The following LINC00305 variants were observed in gnomAD, a reference collection of about 807,000 sequenced individuals.
LINC00305 encodes long independently transcribed non-coding RNA 305.
At chr18:64,145,716 A>G (rs1175334970) in intron 1 of LINC00305, among the ~76,000 whole-genome samples, 1 of 152,216 alleles carries the variant, frequency 6.6e-6, no homozygotes, top group East Asian at 1.9e-4. Context: ...GCATCTGGCC[A>G]GAACTGTACA....
intron 3 of LINC00305, among the ~76,000 whole-genome samples, chr18:64,096,330 GC>G: frequency 6.6e-6 from 1 of 151,856 alleles, no homozygotes; most frequent in South Asian, 2.1e-4. Flanking sequence ...TAAAAACTTG[GC>G]AAAATGGTTC....
At chr18:64,139,152 A>G (rs1052537287) in intron 1 of LINC00305, among the ~76,000 whole-genome samples, 5 of 152,230 alleles carry the variant, frequency 3.3e-5, no homozygotes, top group Admixed American at 6.5e-5. Flanking sequence ...AGTCTGAAAT[A>G]CTTTTTAGCA....
At chr18:64,097,787 T>C (rs1297908074) in intron 3 of LINC00305, 2 of 443,608 alleles carry the variant, frequency 4.5e-6, no homozygotes, top group Non-Finnish European at 9.2e-6. Context: ...AAACATTCCT[T>C]TATAATAACT....
exon 3 of LINC00305, chr18:64,097,961 T>C (rs1433918825): frequency 2.2e-6 from 1 of 457,800 alleles, no homozygotes; most frequent in Non-Finnish European, 4.4e-6. Flanking sequence ...TCTCCTGCTT[T>C]CCCTTTTCAT....
rs565659640 is a variant in LINC00305, at chr18:64,106,806, AAC to A, written n.315-8168_315-8167del. ...AAGCAGAATAAGAAAAGAAAAATGA[AAC>A]ACAACTTTGTTTCATTCTTTGTGTT... On this transcript the variant is annotated intron_variant and non_coding_transcript_variant, in intron 1 of 3. Transcript: ENST00000666468. Among the ~76,000 whole-genome samples the A allele has an allele frequency of 7.9e-3, 1,196 of 152,264 alleles. 7 individuals are homozygous for A. The highest frequency in any genetic ancestry group is 0.013 in the Non-Finnish European group (852 of 68,018).
intron 1 of LINC00305, among the ~76,000 whole-genome samples, chr18:64,114,780 C>A (rs1213629867): frequency 6.6e-6 from 1 of 152,230 alleles, no homozygotes; most frequent in African/African-American, 2.4e-5. Flanking sequence ...AACTCCTGAC[C>A]TCAGATGATC....
At chr18:64,126,821 T>C (rs963415243) in intron 1 of LINC00305, among the ~76,000 whole-genome samples, 4 of 152,122 alleles carry the variant, frequency 2.6e-5, no homozygotes, top group Non-Finnish European at 5.9e-5. Context: ...CTACTCTTGA[T>C]TTAGGATTTT....
intron 3 of LINC00305, among the ~76,000 whole-genome samples, chr18:64,090,698 T>C (rs114266848): frequency 6.6e-6 from 1 of 152,228 alleles, no homozygotes; most frequent in Non-Finnish European, 1.5e-5. Context: ...TCTCTCTTTA[T>C]GTGTCATGGT....
chr18:64,096,172 C>T (rs1391702335), intron 3 of LINC00305, among the ~76,000 whole-genome samples: 3 of 151,918 alleles, frequency 2.0e-5, no homozygotes, highest in African/African-American at 7.2e-5. Context: ...AATCTTTATG[C>T]ATAATAACAT....
intron 1 of LINC00305, among the ~76,000 whole-genome samples, chr18:64,125,436 C>T (rs916770938): frequency 9.2e-5 from 14 of 152,034 alleles, no homozygotes; most frequent in African/African-American, 3.1e-4. Context: ...AAGATTATTA[C>T]TCTTATCTTA....
At chr18:64,110,176 C>A (rs565590749) in intron 1 of LINC00305, among the ~76,000 whole-genome samples, 123 of 152,216 alleles carry the variant, frequency 8.1e-4, no homozygotes, top group Non-Finnish European at 1.6e-3. Context: ...CCCTGAGAGG[C>A]CTTCTGGTCC....
At position 64,131,720 on chromosome 18, in the gene LINC00305, G is replaced by A. The variant is rs78181392; in HGVS notation, n.314+17055C>T. 9.3e-3 allele frequency among the ~76,000 whole-genome samples: 1,418 copies of A among 152,312 alleles called. 26 individuals carry two copies. The highest frequency in any genetic ancestry group is 0.032 in the African/African-American group (1,339 of 41,570). ...GGAGATGGCGGTGATTGCTAGCAAA[G>A]TACTAGAAATGTTGTAGCATCACTC... is the stretch of plus-strand genomic sequence containing the variant. On this transcript the variant is annotated intron_variant and non_coding_transcript_variant, in intron 1 of 3. Coordinates refer to ENST00000666468, the Ensembl canonical transcript of LINC00305.
At chr18:64,082,542 C>T (rs1237803395) in intron 3 of LINC00305, among the ~76,000 whole-genome samples, 4 of 152,280 alleles carry the variant, frequency 2.6e-5, no homozygotes, top group Admixed American at 2.0e-4. Context: ...GGGCAGTGGG[C>T]AAGGAGAATC....
chr18:64,098,852 C>A (rs943740279), intron 1 of LINC00305, among the ~76,000 whole-genome samples: 2 of 152,100 alleles, frequency 1.3e-5, no homozygotes, highest in African/African-American at 4.8e-5. Context: ...GTTATGTGTG[C>A]GGTTGGCTTA....
chr18:64,098,313 CA>C (rs2051254460), intron 2 of LINC00305, among the ~76,000 whole-genome samples: 1 of 152,134 alleles, frequency 6.6e-6, no homozygotes, highest in Non-Finnish European at 1.5e-5. Context: ...TTATAAAAAT[CA>C]TGGCAGTTAG....
At chr18:64,141,768 G>A (rs899904641) in intron 1 of LINC00305, among the ~76,000 whole-genome samples, 1 of 152,136 alleles carries the variant, frequency 6.6e-6, no homozygotes, top group Non-Finnish European at 1.5e-5. Flanking sequence ...TTTTTCAGAA[G>A]TGCAACTTTT....
At chr18:64,136,283 T>C (rs1437414064) in intron 1 of LINC00305, among the ~76,000 whole-genome samples, 3 of 152,172 alleles carry the variant, frequency 2.0e-5, no homozygotes, top group Admixed American at 2.0e-4. Flanking sequence ...TCTTGGCTTG[T>C]TGTATTACTC....
intron 1 of LINC00305, among the ~76,000 whole-genome samples, chr18:64,141,733 A>T (rs151006425): frequency 6.6e-6 from 1 of 152,224 alleles, no homozygotes. Flanking sequence ...TCTTCGATTC[A>T]ATTCTGATAA....
intron 1 of LINC00305, among the ~76,000 whole-genome samples, chr18:64,134,768 G>A (rs545704710): frequency 1.3e-5 from 2 of 152,134 alleles, no homozygotes; most frequent in East Asian, 3.9e-4. Flanking sequence ...AAGTTTTCAG[G>A]AAAACTTTTG....
Sources: gnomAD v4.1 joint callset for allele counts (sites outside exome capture counted in the v4.1 genomes callset) on GRCh38, gnomAD v4.1.1 for gene constraint, MANE v1.5 for transcripts, NCBI Gene and HGNC (gene_info 2026-07-23, HGNC 2026-07-21) for gene names.